ADGRF3: variants seen among roughly 807,000 people sequenced by gnomAD.
The protein encoded by ADGRF3 is adhesion G protein-coupled receptor F3.
Under a neutral mutation model 93.2 loss-of-function variants are expected in ADGRF3, and 85 were observed. The observed-to-expected ratio is 0.91, with a 90% CI of 0.77 to 1.09. ADGRF3 has a LOEUF of 1.09. Ranked by LOEUF, ADGRF3 falls within the 50% of genes least tolerant of loss-of-function variation. The probability of loss-of-function intolerance (pLI) is 0.00; values close to 1 mark genes in which losing one functional copy is unlikely to be tolerated. For synonymous variants in ADGRF3, 534 were observed against 532.5 expected (o/e 1.00, Z -0.04); for missense variants, 1,125 against 1,246.2 (o/e 0.90, Z 1.46).
At chr2:26,312,154 C>T in intron 9 of ADGRF3, 80 bp from the exon 10 acceptor site, 1 of 1,345,284 alleles carries the variant, frequency 7.4e-7, no homozygotes, top group Non-Finnish European at 1.0e-6. Context: ...ACAACAGACC[C>T]CACACCTTCC....
chr2:26,337,710 T>C (rs925656772), intron 1 of ADGRF3, among the ~76,000 whole-genome samples: 1 of 152,294 alleles, frequency 6.6e-6, no homozygotes, highest in Non-Finnish European at 1.5e-5. Flanking sequence ...CATACCCCAC[T>C]TTCTAGATTA....
In ADGRF3 at chr2:26,310,867, G is replaced by C. The variant is rs140621874; in HGVS notation, c.2657C>G (p.Pro886Arg). 7.4e-4 allele frequency: 1,187 copies of C among 1,612,794 alleles called. 9 individuals are homozygous for C. The African/African-American group carries it at 0.014, about 19-fold the overall frequency. Residue 886 changes from proline to arginine, a missense_variant, in exon 10 of 14, where the codon CCT (proline) becomes CGT (arginine). Coordinates refer to ENST00000651242, the MANE Select transcript of ADGRF3 (RefSeq NM_001321971.2). ...LAMAMLKLLR[P>R]SLSEGPPAEK... ...TGCTGGGGGTCCCTCTGACAGCGAAGGTCTCAGCAACTTCAGCATGGCCAT... is the reference window on the plus strand; with the variant it reads ...TGCTGGGGGTCCCTCTGACAGCGAACGTCTCAGCAACTTCAGCATGGCCAT...
Position 26,338,904 on chromosome 2 carries a change from G to A in ADGRF3, c.114+7217C>T, listed in dbSNP as rs371961624. ...TGTAATCCCAGCACTTTGGGAGGCTGGGGTGGGCGGATCACAAAGTCAGGA... is the reference window on the plus strand; with the variant it reads ...TGTAATCCCAGCACTTTGGGAGGCTAGGGTGGGCGGATCACAAAGTCAGGA... On this transcript the variant is annotated intron_variant, in intron 1 of 13. Transcript: ENST00000651242. Among the ~76,000 whole-genome samples the A allele has an allele frequency of 5.9e-4, 89 of 152,036 alleles. 1 individual carries two copies. In the East Asian group the frequency reaches 0.017, roughly 28 times the overall value.
intron 1 of ADGRF3, chr2:26,318,060 T>C: frequency 4.5e-6 from 7 of 1,551,558 alleles, no homozygotes; most frequent in Non-Finnish European, 6.1e-6. Context: ...CCACATTGTC[T>C]GGCCCTTGGG....
chr2:26,315,455 A>G lies in ADGRF3; in HGVS notation c.718+67T>C, dbSNP rs146187563. 2.1e-5 allele frequency: 31 copies of G among 1,485,320 alleles called. No individual in the cohort carries two copies. In the African/African-American group the frequency reaches 3.5e-4, roughly 17 times the overall value. 92.0% of individuals were successfully genotyped at this position (1,485,320 alleles called of 1,614,324 possible). Reference sequence around the variant, plus strand: ...AAGAAGAGGTGAAGGAAAGCAGAGAAGGAAGACGAGGATGAAGGGAAGTAA... The same window carrying G: ...AAGAAGAGGTGAAGGAAAGCAGAGAGGGAAGACGAGGATGAAGGGAAGTAA... On this transcript the variant is annotated intron_variant, in intron 5 of 13. Coordinates refer to ENST00000651242, the MANE Select transcript of ADGRF3 (RefSeq NM_001321971.2).
At position 26,328,917 on chromosome 2, in the gene ADGRF3, G is replaced by T. The variant is rs145559133; in HGVS notation, c.115-11355C>A. On this transcript the variant is annotated intron_variant, in intron 1 of 13. Coordinates refer to ENST00000651242, the MANE Select transcript of ADGRF3 (RefSeq NM_001321971.2). ...GTTAAGCCTGGATAGACAGAATAATGACCACCCAAAGATGTCCATGTGCAA... is the reference window on the plus strand; with the variant it reads ...GTTAAGCCTGGATAGACAGAATAATTACCACCCAAAGATGTCCATGTGCAA... 1.9e-3 allele frequency among the ~76,000 whole-genome samples: 282 copies of T among 152,276 alleles called. 4 individuals carry two copies. The highest frequency in any genetic ancestry group is 1.7e-3 in the Non-Finnish European group (115 of 68,014).
chr2:26,310,205 C>T lies in ADGRF3; in HGVS notation c.2865G>A (p.Met955Ile). 1 of 1,614,036 alleles carries T rather than the reference C, an allele frequency of 6.2e-7. No individual in the cohort carries two copies. The highest frequency in any genetic ancestry group is 8.5e-7 in the Non-Finnish European group (1 of 1,179,900). The change falls in exon 11 of 14, where the codon ATG (methionine) becomes ATA (isoleucine). Residue 955 changes from methionine to isoleucine, a missense_variant. Transcript: ENST00000651242. ...GVFILLFGCL[M>I]DRKIQEALRK... Reference sequence around the variant, plus strand: ...AGGTGGGCAGACTTACCTTCCTGTCCATGAGGCAACCAAACAATAGGATGA... The same window carrying T: ...AGGTGGGCAGACTTACCTTCCTGTCTATGAGGCAACCAAACAATAGGATGA...
intron 1 of ADGRF3, among the ~76,000 whole-genome samples, chr2:26,342,945 T>TG (rs1321017089): frequency 5.9e-5 from 9 of 152,216 alleles, no homozygotes; most frequent in African/African-American, 2.2e-4. Context: ...AATACAGTCA[T>TG]GCATCACTTA....
At chr2:26,331,608 TA>T (rs1242399689) in intron 1 of ADGRF3, among the ~76,000 whole-genome samples, 1 of 152,198 alleles carries the variant, frequency 6.6e-6, no homozygotes, top group Non-Finnish European at 1.5e-5. Flanking sequence ...TGTGTACCCG[TA>T]ATCCCAGCTA....
chr2:26,316,680 G>A (rs774762827), intron 3 of ADGRF3, among the ~76,000 whole-genome samples: 3 of 152,188 alleles, frequency 2.0e-5, no homozygotes, highest in Non-Finnish European at 2.9e-5. Flanking sequence ...CTGGGCCCAC[G>A]TTGTCTGTCC....
chr2:26,317,691 C>T lies in ADGRF3; in HGVS notation c.115-129G>A, dbSNP rs560436161. 3 of 834,152 alleles carry T rather than the reference C, an allele frequency of 3.6e-6. No individual in the cohort carries two copies. The South Asian group carries it at 4.9e-5, about 14-fold the overall frequency. The allele number at this position is 834,152 out of a possible 1,614,324, so 51.7% of individuals were successfully genotyped here. On this transcript the variant is annotated intron_variant, in intron 1 of 13. Transcript: ENST00000651242. ...CTTTTTGCCAGGAGTCAAGTGTACACATCAGGAAGGGAAAGCAGGCTTCTG... is the reference window on the plus strand; with the variant it reads ...CTTTTTGCCAGGAGTCAAGTGTACATATCAGGAAGGGAAAGCAGGCTTCTG...
At position 26,308,376 on chromosome 2, in the gene ADGRF3, A is replaced by C. The variant is rs1358493347; in HGVS notation, c.*710T>G. On this transcript the variant is annotated 3_prime_UTR_variant, in exon 14 of 14. Coordinates refer to ENST00000651242, the MANE Select transcript of ADGRF3 (RefSeq NM_001321971.2). ...CCAGATAGATATCTTGGTGTCTTCA[A>C]AAAGATTTTCTTCTAGTATTCATTT... 1 of 152,104 alleles carries C rather than the reference A, an allele frequency of 6.6e-6. No individual in the cohort carries two copies. The highest frequency in any genetic ancestry group is 1.5e-5 in the Non-Finnish European group (1 of 68,034). 9.4% of individuals were successfully genotyped at this position (152,104 alleles called of 1,614,324 possible).
chr2:26,330,205 G>C (rs1455719843), intron 1 of ADGRF3, among the ~76,000 whole-genome samples: 2 of 152,108 alleles, frequency 1.3e-5, no homozygotes, highest in Non-Finnish European at 1.5e-5. Flanking sequence ...GTGCCACCCA[G>C]TGGCCGGCCC....
chr2:26,342,667 AT>A (rs1425604491), intron 1 of ADGRF3, among the ~76,000 whole-genome samples: 1 of 152,252 alleles, frequency 6.6e-6, no homozygotes, highest in Non-Finnish European at 1.5e-5. Context: ...ATAAACTTCA[AT>A]GGATGAAGAG....
chr2:26,311,300 C>A lies in ADGRF3; in HGVS notation c.2224G>T (p.Ala742Ser). 2 of 1,613,840 alleles carry A rather than the reference C, an allele frequency of 1.2e-6. No homozygotes were observed. Among genetic ancestry groups the A allele is most frequent in the Non-Finnish European group, 1.7e-6 (2 of 1,179,868 alleles). Residue 742 changes from alanine (A) to serine (S), a missense_variant, in exon 10 of 14, where the codon GCC (alanine) becomes TCC (serine). Transcript: ENST00000651242. ...CAGAACACCATGTTGAGCAGGGCGG[C>A]GTGGCGGAAATAGGAGATCTTGTTC... ...VRNKISYFRHAALLNMVFCLL... is the reference protein window; with the variant it reads ...VRNKISYFRHSALLNMVFCLL...
chr2:26,319,527 C>CCCTT (rs142116253), intron 1 of ADGRF3, among the ~76,000 whole-genome samples: 32,954 of 129,622 alleles, frequency 0.25, 5,708 homozygotes, highest in Middle Eastern at 0.34. Flanking sequence ...CTCCCTCCCT[C>CCCTT]CCTTCCTTCC....
At chr2:26,338,531 C>T (rs772421652) in intron 1 of ADGRF3, among the ~76,000 whole-genome samples, 2 of 152,144 alleles carry the variant, frequency 1.3e-5, no homozygotes, top group South Asian at 2.1e-4. Context: ...GGCACGATCT[C>T]GGCTCACTGC....
At chr2:26,314,352 G>A (rs1674461605) in intron 6 of ADGRF3, 62 bp downstream of exon 6, 1 of 1,486,996 alleles carries the variant, frequency 6.7e-7, no homozygotes, top group South Asian at 1.3e-5. Flanking sequence ...AGACCCAGCT[G>A]CCTGGAAGAG....
At chr2:26,331,730 A>T (rs371450340) in intron 1 of ADGRF3, among the ~76,000 whole-genome samples, 22 of 152,202 alleles carry the variant, frequency 1.4e-4, no homozygotes, top group African/African-American at 5.3e-4. Flanking sequence ...CAATCTTTAA[A>T]ATACAAAAAA....
Sources: allele counts gnomAD v4.1 joint callset (sites outside exome capture counted in the v4.1 genomes callset), GRCh38; gene constraint gnomAD v4.1.1; transcripts MANE v1.5; gene names NCBI Gene and HGNC (gene_info 2026-07-23, HGNC 2026-07-21).